NHS: variants seen among roughly 807,000 people sequenced by gnomAD.
NHS encodes the protein NHS actin remodeling regulator, also known as actin remodeling regulator NHS.
NHS carries 5 observed loss-of-function variants against 72.5 expected under a neutral mutation model. That is an observed-to-expected ratio of 0.07 (90% confidence interval 0.04 to 0.14). The LOEUF (loss-of-function observed/expected upper bound fraction) is 0.14. Ranked by LOEUF, NHS falls within the 10% of genes least tolerant of loss-of-function variation. NHS has a pLI of 1.00. For synonymous variants in NHS, 464 were observed against 547.7 expected, an observed-to-expected ratio of 0.85 and a Z score of 2.13; for missense variants, 1,072 against 1,355.7, an observed-to-expected ratio of 0.79 and a Z score of 3.29.
intron 1 of NHS, among the ~76,000 whole-genome samples, chrX:17,528,910 G>A (rs1448454262): frequency 8.9e-6 from 1 of 111,919 alleles, no homozygotes; most frequent in Non-Finnish European, 1.9e-5. Context: ...ACAAATACCA[G>A]ATTGACAGCT....
At chrX:17,421,539 T>C (rs1410544863) in intron 1 of NHS, among the ~76,000 whole-genome samples, 1 of 111,573 alleles carries the variant, frequency 9.0e-6, no homozygotes, top group Non-Finnish European at 1.9e-5. Flanking sequence ...ACTTTTATAC[T>C]GTGGCTGATT....
intron 1 of NHS, among the ~76,000 whole-genome samples, chrX:17,445,610 C>G (rs2064775067): frequency 9.1e-6 from 1 of 110,166 alleles, no homozygotes; most frequent in Non-Finnish European, 1.9e-5. Context: ...TACTTTTTCT[C>G]TTAGTATAGA....
At chrX:17,451,278 A>G (rs906013791) in intron 1 of NHS, among the ~76,000 whole-genome samples, 35 of 111,721 alleles carry the variant, frequency 3.1e-4, no homozygotes, top group African/African-American at 1.1e-3. Context: ...CTTCCTTCCA[A>G]TCTGCTCCAA....
At chrX:17,596,021 G>T (rs190115415) in intron 1 of NHS, among the ~76,000 whole-genome samples, 1 of 99,125 alleles carries the variant, frequency 1.0e-5, no homozygotes, top group South Asian at 5.5e-4. Context: ...CAGACAATTT[G>T]CTTACCTACT....
intron 1 of NHS, among the ~76,000 whole-genome samples, chrX:17,552,063 G>C (rs140885716): frequency 0.013 from 1,469 of 111,872 alleles, 31 homozygotes; most frequent in African/African-American, 0.045. Flanking sequence ...GTTACTAACT[G>C]GTCCAGGACC....
rs556885887 is a variant in NHS, at chrX:17,506,266, C to G, written c.565+129944C>G. Among the ~76,000 whole-genome samples the G allele has an allele frequency of 2.1e-3, 233 of 110,765 alleles. 2 individuals are homozygous for G. Among genetic ancestry groups the G allele is most frequent in the Admixed American group, 4.7e-3 (49 of 10,337 alleles). The stretch of plus-strand genomic sequence containing the variant: ...GCACTTGGCTGGGTGCGGTGGCTCA[C>G]GTCTGTAATCCCAGCACTTTGGGAG... On this transcript the variant is annotated intron_variant, in intron 1 of 8. Transcript: ENST00000676302.
At chrX:17,455,217 T>C (rs1381725795) in intron 1 of NHS, among the ~76,000 whole-genome samples, 1 of 111,528 alleles carries the variant, frequency 9.0e-6, no homozygotes, top group Non-Finnish European at 1.9e-5. Context: ...TAGTTTCTCA[T>C]ACAAAAAAAT....
At chrX:17,666,299 G>C (rs1294709152) in intron 1 of NHS, among the ~76,000 whole-genome samples, 1 of 112,570 alleles carries the variant, frequency 8.9e-6, no homozygotes, top group East Asian at 2.8e-4. Context: ...TTGGTGAAAG[G>C]AGAAGGGTAG....
intron 1 of NHS, among the ~76,000 whole-genome samples, chrX:17,456,085 G>A (rs1181996749): frequency 8.9e-6 from 1 of 111,889 alleles, no homozygotes; most frequent in Non-Finnish European, 1.9e-5. Context: ...CAGAAGAGAC[G>A]CTGTGTCTTT....
At chrX:17,420,194 G>A (rs141665469) in intron 1 of NHS, among the ~76,000 whole-genome samples, 1,630 of 112,012 alleles carry the variant, frequency 0.015, 34 homozygotes, top group African/African-American at 0.05. Context: ...AATGACAACA[G>A]TTTGAGAAGC....
At chrX:17,596,050 A>T (rs1375124737) in intron 1 of NHS, among the ~76,000 whole-genome samples, 1 of 111,841 alleles carries the variant, frequency 8.9e-6, no homozygotes, top group African/African-American at 3.3e-5. Flanking sequence ...CCAAAAAAAA[A>T]AAGATGAAGA....
chrX:17,457,276 G>A lies in NHS; in HGVS notation c.565+80954G>A, dbSNP rs113699583. ...CCTGAGGGTGGGTAATTTATAAAGA[G>A]AAGAGGTTTATTTGACTCACAGTCC... On this transcript the variant is annotated intron_variant, in intron 1 of 8. Coordinates refer to ENST00000676302, the MANE Select transcript of NHS (RefSeq NM_001291867.2). Among the ~76,000 whole-genome samples the A allele has an allele frequency of 1.7e-3, 192 of 111,823 alleles. 3 individuals carry two copies. The highest frequency in any genetic ancestry group is 5.9e-3 in the African/African-American group (180 of 30,760).
chrX:17,554,597 G>T (rs765569377), intron 1 of NHS, among the ~76,000 whole-genome samples: 1 of 112,578 alleles, frequency 8.9e-6, no homozygotes, highest in Non-Finnish European at 1.9e-5. Flanking sequence ...TCAACGGCTG[G>T]AGGTCTGTGA....
chrX:17,527,001 A>G (rs1282249290), intron 1 of NHS, among the ~76,000 whole-genome samples: 1 of 112,367 alleles, frequency 8.9e-6, no homozygotes, highest in Non-Finnish European at 1.9e-5. Flanking sequence ...TTTAAATAAA[A>G]TACCCCCAGC....
At chrX:17,687,465 G>A in intron 1 of NHS, 1 of 379,980 alleles carries the variant, frequency 2.6e-6, no homozygotes. Flanking sequence ...TGTGCCAAGG[G>A]TGAGGAATGA....
rs1041318804 is a variant in NHS, at chrX:17,735,783, G to T, written c.*3319G>T. 32 of 112,841 alleles carry T rather than the reference G, an allele frequency of 2.8e-4. No homozygotes were observed. Among genetic ancestry groups the T allele is most frequent in the Non-Finnish European group, 3.2e-4 (17 of 53,340 alleles). The allele number at this position is 112,841 out of a possible 1,213,427, so 9.3% of individuals were successfully genotyped here. A position where few individuals can be genotyped will look rare whatever the true frequency, so the allele number is the denominator to read the frequency against. On this transcript the variant is annotated 3_prime_UTR_variant, in exon 9 of 9. Coordinates refer to ENST00000676302, the MANE Select transcript of NHS (RefSeq NM_001291867.2). Reference sequence around the variant, plus strand: ...TATGAACTTTTTAAATTGCTGCAAAGATGGTTTCTTTTGTAAGATGTTTTC... The same window carrying T: ...TATGAACTTTTTAAATTGCTGCAAATATGGTTTCTTTTGTAAGATGTTTTC...
At chrX:17,599,774 C>T (rs2065640589) in intron 1 of NHS, among the ~76,000 whole-genome samples, 1 of 111,153 alleles carries the variant, frequency 9.0e-6, no homozygotes, top group African/African-American at 3.3e-5. Context: ...GACTCTAGTA[C>T]CGTTCTTTGC....
intron 1 of NHS, among the ~76,000 whole-genome samples, chrX:17,583,322 C>T (rs1008864762): frequency 9.0e-6 from 1 of 111,293 alleles, no homozygotes; most frequent in African/African-American, 3.3e-5. Flanking sequence ...ACTGCAAATC[C>T]ATCCCATAAC....
At position 17,503,306 on chromosome X, in the gene NHS, T is replaced by C. The variant is rs7471171; in HGVS notation, c.565+126984T>C. ...AATTACTGCTTGATTACAGTGAAAG[T>C]GTTGTATAAAAATGGTAATGTTGGA... On this transcript the variant is annotated intron_variant, in intron 1 of 8. Transcript: ENST00000676302. 8.7e-3 allele frequency among the ~76,000 whole-genome samples: 974 copies of C among 112,003 alleles called. 16 individuals are homozygous for C. Among genetic ancestry groups the C allele is most frequent in the African/African-American group, 0.03 (920 of 30,833 alleles).
Sources: allele counts gnomAD v4.1 joint callset (sites outside exome capture counted in the v4.1 genomes callset), GRCh38; gene constraint gnomAD v4.1.1; transcripts MANE v1.5; gene names NCBI Gene and HGNC (gene_info 2026-07-23, HGNC 2026-07-21).